Variants in CLCN6 observed in about 807,000 individuals in gnomAD.
CLCN6 encodes H(+)/Cl(-) exchange transporter 6.
Under a neutral mutation model 109.8 loss-of-function variants are expected in CLCN6, and 70 were observed. The observed-to-expected ratio is 0.64, with a 90% CI of 0.53 to 0.78. The LOEUF (loss-of-function observed/expected upper bound fraction) is 0.78. Ranked by LOEUF, CLCN6 falls within the 30% of genes least tolerant of loss-of-function variation. CLCN6 has a pLI of 0.00. For missense variants in CLCN6, 984 were observed against 1,142.3 expected, an observed-to-expected ratio of 0.86 and a Z score of 2.00; for synonymous variants, 444 against 447.8, an observed-to-expected ratio of 0.99 and a Z score of 0.11.
intron 13 of CLCN6, chr1:11,829,868 A>C (rs895825110): frequency 1.3e-5 from 2 of 156,798 alleles, no homozygotes; most frequent in Admixed American, 1.3e-4. Context: ...GCTGACAGCA[A>C]GGTGCTTTCT....
chr1:11,835,824 C>G lies in CLCN6; in HGVS notation c.1794-143C>G, dbSNP rs76218463. On this transcript the variant is annotated intron_variant, in intron 17 of 22. Coordinates refer to ENST00000346436, the MANE Select transcript of CLCN6 (RefSeq NM_001286.5). ...GGGATAGAAGTACAAAGGAATGCAT[C>G]GGGTTTGAGGGAGAGCTGGGGCAGT... 3 of 624,010 alleles carry G rather than the reference C, an allele frequency of 4.8e-6. No individual in the cohort carries two copies. In the African/African-American group the frequency reaches 5.6e-5, roughly 12 times the overall value. The allele number at this position is 624,010 out of a possible 1,614,324, so 38.7% of individuals were successfully genotyped here.
intron 13 of CLCN6, among the ~76,000 whole-genome samples, chr1:11,832,006 TC>T (rs1306713916): frequency 6.6e-6 from 1 of 152,232 alleles, no homozygotes; most frequent in Non-Finnish European, 1.5e-5. Flanking sequence ...AGGGCCTTAT[TC>T]CCATAAGTGT....
intron 18 of CLCN6, 94 bp from the exon 19 acceptor site, chr1:11,836,905 T>A (rs1007267323): frequency 1.4e-6 from 2 of 1,464,730 alleles, no homozygotes; most frequent in Non-Finnish European, 1.9e-6. Context: ...CGGATGTGCT[T>A]CTGACCCTCC....
At position 11,837,360 on chromosome 1, in the gene CLCN6, A is replaced by G. The variant is rs1293441849; in HGVS notation, c.2156A>G (p.Asn719Ser). 7 of 1,611,864 alleles carry G rather than the reference A, an allele frequency of 4.3e-6. No individual in the cohort carries two copies. Among genetic ancestry groups the G allele is most frequent in the Admixed American group, 1.7e-5 (1 of 59,960 alleles). The stretch of plus-strand genomic sequence containing the variant: ...TGTAACAGATACACTCCCTACCCCA[A>G]CCTATACCCTGACCAGTCCCCAAGT... The part of the protein sequence containing the change: ...MLERRYTPYP[N>S]LYPDQSPSED... The change falls in exon 20 of 23, where the codon AAC (asparagine) becomes AGC (serine). Residue 719 changes from asparagine to serine, a missense_variant. Coordinates refer to ENST00000346436, the MANE Select transcript of CLCN6 (RefSeq NM_001286.5).
chr1:11,837,201 G>A (rs374169857), intron 19 of CLCN6, 45 bp downstream of exon 19: 238 of 1,607,828 alleles, frequency 1.5e-4, no homozygotes, highest in South Asian at 3.2e-4. Context: ...GCTACACAGC[G>A]GTGGGGTGAG....
intron 17 of CLCN6, among the ~76,000 whole-genome samples, chr1:11,835,527 G>A (rs906162778): frequency 3.9e-5 from 6 of 152,118 alleles, no homozygotes; most frequent in South Asian, 2.1e-4. Flanking sequence ...TGCTGGCCTC[G>A]GCCTCCCAAA....
rs533680473 is a variant in CLCN6, at chr1:11,831,974, G to A, written c.1249-1541G>A. Among the ~76,000 whole-genome samples, 10 of 152,336 alleles carry A rather than the reference G, an allele frequency of 6.6e-5. No individual in the cohort carries two copies. In the South Asian group the frequency reaches 1.0e-3, roughly 16 times the overall value. The stretch of plus-strand genomic sequence containing the variant: ...AAGCCATAGCACCCAACCTAAATAC[G>A]TTCCTTTAGTACAGAACTTCTAGGG... On this transcript the variant is annotated intron_variant, in intron 13 of 22. Coordinates refer to ENST00000346436, the MANE Select transcript of CLCN6 (RefSeq NM_001286.5).
In CLCN6 at chr1:11,833,930, G is replaced by A; in HGVS notation, c.1426G>A (p.Ala476Thr). The change falls in exon 15 of 23, where the codon GCA becomes ACA. Residue 476 changes from alanine (A) to threonine (T), a missense_variant. Transcript: ENST00000346436. ...GTTCTTCGTTCTCTATTTCTTGCTT[G>A]CATGTTGGACTTACGGCATTTCTGT... ...ALFFVLYFLL[A>T]CWTYGISVPS... The A allele has an allele frequency of 6.2e-7, 1 of 1,613,932 alleles. No homozygotes were observed. Among genetic ancestry groups the A allele is most frequent in the Non-Finnish European group, 8.5e-7 (1 of 1,179,980 alleles).
At chr1:11,830,766 C>T (rs145191727) in intron 13 of CLCN6, among the ~76,000 whole-genome samples, 52 of 123,736 alleles carry the variant, frequency 4.2e-4, no homozygotes, top group East Asian at 2.3e-3. Flanking sequence ...TATATATATA[C>T]ACACACACAC....
rs748492388 is a variant in CLCN6 at position 11,838,335 on chromosome 1, A to G, written c.2296A>G (p.Ser766Gly). The G allele has an allele frequency of 6.2e-7, 1 of 1,613,376 alleles. No individual in the cohort carries two copies. Among genetic ancestry groups the G allele is most frequent in the Non-Finnish European group, 8.5e-7 (1 of 1,179,942 alleles). ...GACAGTGTCTGGGTTGGAATTGCAG[A>G]GCGCCAGCCAGCCGCGCCTCTCCTA... ...RGVCYSESQS[S>G]ASQPRLSYAE... Residue 766 changes from serine to glycine, a missense_variant and splice_region_variant, in exon 21 of 23, where the codon AGC (serine) becomes GGC (glycine). Ser to Gly is a moderately conservative substitution (Grantham distance 56). Coordinates refer to ENST00000346436, the MANE Select transcript of CLCN6 (RefSeq NM_001286.5).
rs1644923750 is a variant in CLCN6 at position 11,834,736 on chromosome 1, T to C, written c.1793+146T>C. On this transcript the variant is annotated intron_variant, in intron 17 of 22. Coordinates refer to ENST00000346436, the MANE Select transcript of CLCN6 (RefSeq NM_001286.5). The surrounding 1 kb of genome is among the most constrained non-coding windows in gnomAD (Gnocchi z 4.5). ...ACCCATTCCTGAGCATGTGTGAGAA[T>C]GTGGAGCAGCCCATGGGCTGGGGGC... 1.3e-6 allele frequency: 1 copy of C among 752,062 alleles called. No homozygotes were observed. The highest frequency in any genetic ancestry group is 2.2e-6 in the Non-Finnish European group (1 of 457,116). 46.6% of individuals were successfully genotyped at this position (752,062 alleles called of 1,614,324 possible).
chr1:11,830,791 C>CTATATATAT lies in CLCN6; in HGVS notation c.1248+1469_1248+1470insTATATATAT, dbSNP rs1557429854. On this transcript the variant is annotated intron_variant, in intron 13 of 22. Coordinates refer to ENST00000346436, the MANE Select transcript of CLCN6 (RefSeq NM_001286.5). ...CACACACACACTATATATACACACA[C>CTATATATAT]ACACACACACACACACACACACAAA... Among the ~76,000 whole-genome samples, 51 of 141,048 alleles carry CTATATATAT rather than the reference C, an allele frequency of 3.6e-4. 1 individual carries two copies. The highest frequency in any genetic ancestry group is 3.6e-3 in the Middle Eastern group (1 of 278). 92.5% of individuals were successfully genotyped at this position (141,048 alleles called of 152,430 possible).
intron 22 of CLCN6, 29 bp downstream of exon 22, chr1:11,838,689 C>T (rs1449533186): frequency 1.2e-6 from 2 of 1,614,256 alleles, no homozygotes; most frequent in Non-Finnish European, 1.7e-6. Context: ...CTGCCCCCAC[C>T]TTTGAGAGAG....
At chr1:11,835,284 C>CT (rs754971459) in intron 17 of CLCN6, among the ~76,000 whole-genome samples, 12 of 152,068 alleles carry the variant, frequency 7.9e-5, no homozygotes, top group Admixed American at 6.5e-5. Flanking sequence ...TATTGTTTTT[C>CT]TTTTTTGGGA....
chr1:11,824,152 G>C (rs1315795755), intron 7 of CLCN6, among the ~76,000 whole-genome samples: 2 of 152,220 alleles, frequency 1.3e-5, no homozygotes, highest in African/African-American at 4.8e-5. Context: ...CAGAATGGAA[G>C]CTCTTATGTA....
At chr1:11,838,471 T>C (rs766052950) in intron 21 of CLCN6, 29 bp downstream of exon 21, 1 of 1,610,468 alleles carries the variant, frequency 6.2e-7, no homozygotes, top group South Asian at 1.1e-5. Flanking sequence ...GCCTGTCCCA[T>C]GCGGAGCTGC....
chr1:11,823,147 T>C (rs1380456056), intron 6 of CLCN6, among the ~76,000 whole-genome samples: 5 of 152,224 alleles, frequency 3.3e-5, no homozygotes, highest in African/African-American at 1.2e-4. Context: ...TACCTGTACA[T>C]GCAATCCCTG....
At chr1:11,838,754 C>T in intron 22 of CLCN6, 94 bp downstream of exon 22, 1 of 1,568,970 alleles carries the variant, frequency 6.4e-7, no homozygotes, top group East Asian at 2.2e-5. Context: ...GAAACGTAGG[C>T]ATCCCACCAG....
intron 5 of CLCN6, among the ~76,000 whole-genome samples, chr1:11,819,895 A>G (rs1181447707): frequency 2.0e-5 from 3 of 152,266 alleles, no homozygotes; most frequent in Non-Finnish European, 4.4e-5. Flanking sequence ...GGCCAAAAGC[A>G]GTCAGTATAG....
Sources: gnomAD v4.1 joint callset for allele counts (sites outside exome capture counted in the v4.1 genomes callset) on GRCh38, gnomAD v4.1.1 for gene constraint, Gnocchi (gnomAD v3.1) non-coding constraint, MANE v1.5 for transcripts, NCBI Gene and HGNC (gene_info 2026-07-23, HGNC 2026-07-21) for gene names.